Variants in LRP1B observed in about 807,000 individuals in gnomAD.
LRP1B encodes low-density lipoprotein receptor-related protein 1B.
Under a neutral mutation model 556.6 loss-of-function variants are expected in LRP1B, and 217 were observed. The ratio of observed to expected loss-of-function variants is 0.39; its 90% CI spans 0.35 to 0.44. The LOEUF (loss-of-function observed/expected upper bound fraction) is 0.44, where lower values mean the gene tolerates loss of function less well. LRP1B is among the 20% of genes least tolerant of loss of function. The pLI, the probability that LRP1B is intolerant of heterozygous loss-of-function variation, is 1.00. For missense variants in LRP1B, 5,053 were observed against 5,620.8 expected (o/e 0.90, Z 3.23); for synonymous variants, 2,047 against 1,865.8 (o/e 1.10, Z -2.50).
chr2:141,981,602 C>T (rs974945027), intron 1 of LRP1B, among the ~76,000 whole-genome samples: 1 of 152,012 alleles, frequency 6.6e-6, no homozygotes, highest in Non-Finnish European at 1.5e-5. Flanking sequence ...TTTCAAATAA[C>T]ATTCTAGGTG....
intron 59 of LRP1B, 49 bp downstream of exon 59, chr2:140,485,294 G>C (rs753757550): frequency 7.0e-7 from 1 of 1,430,214 alleles, no homozygotes; most frequent in Non-Finnish European, 9.6e-7. Flanking sequence ...TTACTACTAT[G>C]AATGTAATCC....
chr2:141,887,631 T>C (rs1372386518), intron 1 of LRP1B, among the ~76,000 whole-genome samples: 1 of 152,216 alleles, frequency 6.6e-6, no homozygotes, highest in East Asian at 1.9e-4. Context: ...CATAGTTATA[T>C]TTAGTTTTAC....
intron 2 of LRP1B, among the ~76,000 whole-genome samples, chr2:141,706,739 G>A (rs1241983321): frequency 2.6e-5 from 4 of 151,978 alleles, no homozygotes; most frequent in Non-Finnish European, 5.9e-5. Flanking sequence ...GGCCAAAAAA[G>A]TATGGATTAT....
intron 1 of LRP1B, among the ~76,000 whole-genome samples, chr2:141,955,478 T>C (rs192312580): frequency 3.3e-5 from 5 of 152,214 alleles, no homozygotes; most frequent in African/African-American, 1.2e-4. Context: ...ATGTGGACAT[T>C]GTATAAATGT....
At chr2:140,982,119 G>T (rs368881829) in intron 18 of LRP1B, 41 bp downstream of exon 18, 2 of 1,488,566 alleles carry the variant, frequency 1.3e-6, no homozygotes, top group Non-Finnish European at 1.9e-6. Context: ...TATCCTATCT[G>T]ACACAATCTG....
At chr2:141,962,924 C>G (rs1460728525) in intron 1 of LRP1B, among the ~76,000 whole-genome samples, 1 of 151,738 alleles carries the variant, frequency 6.6e-6, no homozygotes, top group Non-Finnish European at 1.5e-5. Context: ...ATACTCTTTT[C>G]AGGACCTGGA....
chr2:142,038,265 G>A (rs1275473143), intron 1 of LRP1B, among the ~76,000 whole-genome samples: 1 of 151,518 alleles, frequency 6.6e-6, no homozygotes, highest in Non-Finnish European at 1.5e-5. Flanking sequence ...TGCCTTGAAT[G>A]CAATGATACA....
At chr2:141,447,363 C>G (rs531087528) in intron 3 of LRP1B, among the ~76,000 whole-genome samples, 1 of 151,860 alleles carries the variant, frequency 6.6e-6, no homozygotes, top group South Asian at 2.1e-4. Context: ...AGAACATGCT[C>G]CTTTAGCTTG....
At chr2:141,921,642 T>C (rs1255782686) in intron 1 of LRP1B, among the ~76,000 whole-genome samples, 1 of 152,036 alleles carries the variant, frequency 6.6e-6, no homozygotes, top group Non-Finnish European at 1.5e-5. Context: ...ATCACCACTA[T>C]GTCTTAGAAG....
chr2:141,013,098 CT>C (rs1697802141), intron 14 of LRP1B, among the ~76,000 whole-genome samples: 2 of 151,818 alleles, frequency 1.3e-5, no homozygotes, highest in South Asian at 4.2e-4. Context: ...TTACATGTTC[CT>C]TAAATATACA....
At chr2:141,297,558 A>G (rs1353633120) in intron 3 of LRP1B, among the ~76,000 whole-genome samples, 1 of 152,218 alleles carries the variant, frequency 6.6e-6, no homozygotes, top group Non-Finnish European at 1.5e-5. Flanking sequence ...TGATTTAGCC[A>G]GCTGCAGGCT....
rs552838548 is a variant in LRP1B at position 140,541,204 on chromosome 2, T to C, written c.7388-106A>G. Reference sequence around the variant, plus strand: ...AGACTGCCTCAATCTCTCAATAATATGTCATTAAAAAGGAACATTCAGGAT... The same window carrying C: ...AGACTGCCTCAATCTCTCAATAATACGTCATTAAAAAGGAACATTCAGGAT... On this transcript the variant is annotated intron_variant, in intron 44 of 90. Coordinates refer to ENST00000389484, the MANE Select transcript of LRP1B (RefSeq NM_018557.3). 6.3e-6 allele frequency: 6 copies of C among 952,162 alleles called. 1 individual carries two copies. The highest frequency in any genetic ancestry group is 5.0e-5 in the African/African-American group (3 of 60,250). The allele number at this position is 952,162 out of a possible 1,614,324, so 59.0% of individuals were successfully genotyped here.
At chr2:140,897,280 G>A (rs1693981294) in intron 23 of LRP1B, among the ~76,000 whole-genome samples, 1 of 152,100 alleles carries the variant, frequency 6.6e-6, no homozygotes, top group Admixed American at 6.6e-5. Flanking sequence ...AGCTACCTCA[G>A]AAGCAAAGTC....
At chr2:140,671,102 G>C (rs1369619632) in intron 41 of LRP1B, among the ~76,000 whole-genome samples, 1 of 152,146 alleles carries the variant, frequency 6.6e-6, no homozygotes, top group African/African-American at 2.4e-5. Flanking sequence ...TGCTTTGGTA[G>C]CTTAAAAGAA....
At chr2:141,578,263 G>A (rs1450233350) in intron 2 of LRP1B, among the ~76,000 whole-genome samples, 4 of 152,022 alleles carry the variant, frequency 2.6e-5, no homozygotes, top group African/African-American at 4.8e-5. Flanking sequence ...GGGCGTGGTG[G>A]CACATGCCTG....
intron 11 of LRP1B, among the ~76,000 whole-genome samples, chr2:141,026,349 A>G (rs990759829): frequency 2.0e-5 from 3 of 152,102 alleles, no homozygotes; most frequent in Non-Finnish European, 4.4e-5. Context: ...TCCCTTAAAC[A>G]TTCAAAAAGT....
At chr2:141,363,362 T>C (rs1427924080) in intron 3 of LRP1B, among the ~76,000 whole-genome samples, 1 of 152,178 alleles carries the variant, frequency 6.6e-6, no homozygotes. Context: ...TGAGGGCTGT[T>C]AGGCCACGTA....
intron 3 of LRP1B, among the ~76,000 whole-genome samples, chr2:141,374,868 A>G (rs79164901): frequency 2.0e-5 from 3 of 152,134 alleles, no homozygotes; most frequent in African/African-American, 7.2e-5. Context: ...TGGTGTTTCA[A>G]TAAATTATTT....
In LRP1B at chr2:141,061,043, G is replaced by C. The variant is rs150986196; in HGVS notation, c.1236+1008C>G. Among the ~76,000 whole-genome samples the C allele has an allele frequency of 6.7e-3, 1,016 of 151,808 alleles. 10 individuals carry two copies. Among genetic ancestry groups the C allele is most frequent in the Non-Finnish European group, 0.01 (678 of 67,790 alleles). On this transcript the variant is annotated intron_variant, in intron 8 of 90. Transcript: ENST00000389484. Reference sequence around the variant, plus strand: ...TTTTTTAATTGCAAATAAGTAAAGAGAAGGGCCATGATAATCATCTCAGAG... The same window carrying C: ...TTTTTTAATTGCAAATAAGTAAAGACAAGGGCCATGATAATCATCTCAGAG...
Sources: gnomAD v4.1 joint callset for allele counts (sites outside exome capture counted in the v4.1 genomes callset) on GRCh38, gnomAD v4.1.1 for gene constraint, MANE v1.5 for transcripts, NCBI Gene and HGNC (gene_info 2026-07-23, HGNC 2026-07-21) for gene names.